Variants in TUBB4A observed in about 807,000 individuals in gnomAD.
TUBB4A encodes the protein tubulin beta 4A class IVa.
A neutral mutation model predicts 35.1 loss-of-function variants in TUBB4A; 13 were observed. That is an observed-to-expected ratio of 0.37 (90% CI 0.24 to 0.59). TUBB4A has a LOEUF of 0.59. Among genes scored for constraint, TUBB4A ranks in the 20% least tolerant of loss-of-function variants. The pLI, the probability that TUBB4A is intolerant of heterozygous loss-of-function variation, is 0.71. For synonymous variants in TUBB4A, 279 were observed against 272.4 expected (o/e 1.02, Z -0.24); for missense variants, 299 against 647.2 (o/e 0.46, Z 5.84).
In TUBB4A at chr19:6,501,530, A is replaced by G. The variant is rs1433665719; in HGVS notation, c.151T>C (p.Tyr51His). 1 of 1,614,014 alleles carries G rather than the reference A, an allele frequency of 6.2e-7. No homozygotes were observed. The highest frequency in any genetic ancestry group is 8.5e-7 in the Non-Finnish European group (1 of 1,179,930). ...DLQLERINVY[Y>H]NEATGGNYVP... ...TTCGCCCTACCTGTGGCCTCGTTGT[A>G]GTACACGTTGATCCTCTCCAGTTGC... is the stretch of plus-strand genomic sequence containing the variant. The change falls in exon 2 of 4, where the codon TAC (tyrosine) becomes CAC (histidine). Residue 51 changes from tyrosine (Y) to histidine (H), a missense_variant. Around this residue, in one of 5 missense-constraint regions of TUBB4A, gnomAD observed 123 missense variants for 226.0 expected, o/e 0.54. Coordinates refer to ENST00000264071, the MANE Select transcript of TUBB4A (RefSeq NM_006087.4). This position sits in a 1 kb window ranked among gnomAD's most constrained non-coding sequence, Gnocchi z 4.2.
At position 6,494,648 on chromosome 19, in the gene TUBB4A, A is replaced by G. The variant is rs1464920726; in HGVS notation, c.*516T>C. The G allele has an allele frequency of 5.8e-6, 1 of 172,972 alleles. No homozygotes were observed. Among genetic ancestry groups the G allele is most frequent in the Non-Finnish European group, 1.2e-5 (1 of 80,706 alleles). 10.7% of individuals were successfully genotyped at this position (172,972 alleles called of 1,614,324 possible). A position where few individuals can be genotyped will look rare whatever the true frequency, so the allele number is the denominator to read the frequency against. On this transcript the variant is annotated 3_prime_UTR_variant, in exon 4 of 4. Transcript: ENST00000264071. The stretch of plus-strand genomic sequence containing the variant: ...AGTAAAATGGGACTCATAGAGGGTG[A>G]AAGAGAAGTTGGAGTCAGAGGGGAT...
At position 6,495,401 on chromosome 19, in the gene TUBB4A, G is replaced by A. The variant is rs1429857122; in HGVS notation, c.1098C>T (p.Thr366=). ...GGATGGCCGTGCTGTTGCCGATGAA[G>A]GTCGCGGCCATCTTCAGGCCGCGGG... ...IPPRGLKMAA[T]FIGNSTAIQE... Residue 366 remains threonine, a synonymous_variant, in exon 4 of 4, where the codon ACC becomes ACT. Coordinates refer to ENST00000264071, the MANE Select transcript of TUBB4A (RefSeq NM_006087.4). The surrounding 1 kb of genome is among the most constrained non-coding windows in gnomAD (Gnocchi z 8.7). 2 of 1,614,030 alleles carry A rather than the reference G, an allele frequency of 1.2e-6. No individual in the cohort carries two copies. The highest frequency in any genetic ancestry group is 1.7e-6 in the Non-Finnish European group (2 of 1,180,014).
chr19:6,496,439 C>T (rs1220495898), intron 3 of TUBB4A: 13 of 484,356 alleles, frequency 2.7e-5, no homozygotes, highest in Middle Eastern at 5.6e-4. Context: ...ACCATCCTGG[C>T]TAACACGGTG....
In TUBB4A at chr19:6,501,606, A is replaced by G; in HGVS notation, c.75T>C (p.Ser25=). Residue 25 remains serine (S), a synonymous_variant, in exon 2 of 4, where the codon AGT becomes AGC. Transcript: ENST00000264071. This position sits in a 1 kb window ranked among gnomAD's most constrained non-coding sequence, Gnocchi z 4.2. ...QIGAKFWEVI[S]DEHGIDPTGT... ...CTGTGGGGTCGATGCCATGTTCGTC[A>G]CTGATAACCTCCCAAAACTAGAGAG... is the stretch of plus-strand genomic sequence containing the variant. 6.2e-7 allele frequency: 1 copy of G among 1,613,888 alleles called. No individual in the cohort carries two copies. The highest frequency in any genetic ancestry group is 8.5e-7 in the Non-Finnish European group (1 of 1,179,884).
Position 6,495,239 on chromosome 19 carries a change from A to G in TUBB4A, c.1260T>C (p.Ser420=), listed in dbSNP as rs369575826. The G allele has an allele frequency of 1.9e-6, 3 of 1,613,682 alleles. No homozygotes were observed. The highest frequency in any genetic ancestry group is 2.5e-6 in the Non-Finnish European group (3 of 1,179,852). ...EAESNMNDLV[S]EYQQYQDATA... The stretch of plus-strand genomic sequence containing the variant: ...TGGCGTCCTGGTACTGCTGGTACTC[A>G]GATACCAGGTCATTCATGTTGCTCT... The change falls in exon 4 of 4, where the codon TCT becomes TCC. Residue 420 remains serine (S), a synonymous_variant. Coordinates refer to ENST00000264071, the MANE Select transcript of TUBB4A (RefSeq NM_006087.4). This position sits in a 1 kb window ranked among gnomAD's most constrained non-coding sequence, Gnocchi z 8.7.
chr19:6,497,826 G>A (rs566195744), intron 3 of TUBB4A, among the ~76,000 whole-genome samples: 2 of 150,234 alleles, frequency 1.3e-5, no homozygotes, highest in Non-Finnish European at 1.5e-5. Context: ...CCAGCTACTC[G>A]GGAGGCTGAG....
rs368494733 is a variant in TUBB4A, at chr19:6,495,133, G to C, written c.*31C>G. The C allele has an allele frequency of 1.2e-6, 2 of 1,609,710 alleles. No homozygotes were observed. The highest frequency in any genetic ancestry group is 1.1e-5 in the South Asian group (1 of 90,886). On this transcript the variant is annotated 3_prime_UTR_variant, in exon 4 of 4. Coordinates refer to ENST00000264071, the MANE Select transcript of TUBB4A (RefSeq NM_006087.4). The surrounding 1 kb of genome is among the most constrained non-coding windows in gnomAD (Gnocchi z 8.7). ...TAGCGGATCAAAGGTCAGAAGCCTCGAGGGGACAGGTGGGAAGCGATGGGA... is the reference window on the plus strand; with the variant it reads ...TAGCGGATCAAAGGTCAGAAGCCTCCAGGGGACAGGTGGGAAGCGATGGGA...
In TUBB4A at chr19:6,501,798, G is replaced by A; in HGVS notation, c.58-175C>T. The A allele has an allele frequency of 1.6e-6, 1 of 621,626 alleles. No individual in the cohort carries two copies. The highest frequency in any genetic ancestry group is 2.8e-6 in the Non-Finnish European group (1 of 357,118). The allele number at this position is 621,626 out of a possible 1,614,324, so 38.5% of individuals were successfully genotyped here. ...TGAGGCAGCAAGAAGGAGCGGTGGG[G>A]GCGGGGTGCAGCCGAGTCAGCACCC... On this transcript the variant is annotated intron_variant, in intron 1 of 3. Coordinates refer to ENST00000264071, the MANE Select transcript of TUBB4A (RefSeq NM_006087.4). The surrounding 1 kb of genome is among the most constrained non-coding windows in gnomAD (Gnocchi z 4.2).
At chr19:6,502,390 G>A (rs1248395817), upstream of TUBB4A, 6 of 657,790 alleles carry the variant, frequency 9.1e-6, no homozygotes, top group East Asian at 1.4e-4. Flanking sequence ...CCGCCCCTTG[G>A]TCCCGCCCCG....
At chr19:6,496,398 G>T (rs1168610898) in intron 3 of TUBB4A, 177 bp from the exon 4 acceptor site, 1 of 609,224 alleles carries the variant, frequency 1.6e-6, no homozygotes, top group East Asian at 3.0e-5. Flanking sequence ...GGGAGGCCGA[G>T]GTGGGCGGAT....
At chr19:6,499,261 G>A (rs751022405) in intron 3 of TUBB4A, among the ~76,000 whole-genome samples, 4 of 151,650 alleles carry the variant, frequency 2.6e-5, no homozygotes, top group Non-Finnish European at 4.4e-5. Flanking sequence ...GGTGGAGGTT[G>A]CGTCACTGCA....
chr19:6,502,187 G>A lies in TUBB4A; in HGVS notation c.26C>T (p.Ala9Val). 1 of 1,574,134 alleles carries A rather than the reference G, an allele frequency of 6.4e-7. No individual in the cohort carries two copies. The highest frequency in any genetic ancestry group is 8.6e-7 in the Non-Finnish European group (1 of 1,168,192). MREIVHLQ[A>V]GQCGNQIGAK... ...CCCGATCTGGTTGCCGCACTGGCCG[G>A]CCTGCAGGTGCACGATCTCCCGCAT... is the stretch of plus-strand genomic sequence containing the variant. The change falls in exon 1 of 4, where the codon GCC becomes GTC. Residue 9 changes from alanine (A) to valine (V), a missense_variant. Around this residue, in one of 5 missense-constraint regions of TUBB4A, gnomAD observed 123 missense variants for 226.0 expected, o/e 0.54. Transcript: ENST00000264071.
chr19:6,501,756 T>G lies in TUBB4A; in HGVS notation c.58-133A>C, dbSNP rs1914543765. The G allele has an allele frequency of 4.2e-6, 3 of 718,790 alleles. No individual in the cohort carries two copies. Among genetic ancestry groups the G allele is most frequent in the Admixed American group, 5.2e-5 (2 of 38,272 alleles). 44.5% of individuals were successfully genotyped at this position (718,790 alleles called of 1,614,324 possible). ...AAGGTGAACGGGGGACCTAGAGGCA[T>G]GGTGTCGGGGCGAGGATGAGGCAGC... is the stretch of plus-strand genomic sequence containing the variant. On this transcript the variant is annotated intron_variant, in intron 1 of 3. Coordinates refer to ENST00000264071, the MANE Select transcript of TUBB4A (RefSeq NM_006087.4). The surrounding 1 kb of genome is among the most constrained non-coding windows in gnomAD (Gnocchi z 4.2).
Position 6,501,209 on chromosome 19 carries a change from G to A in TUBB4A, c.277+78C>T, listed in dbSNP as rs776953895. The A allele has an allele frequency of 8.1e-6, 10 of 1,233,648 alleles. No homozygotes were observed. The highest frequency in any genetic ancestry group is 4.5e-5 in the African/African-American group (3 of 67,072). The allele number at this position is 1,233,648 out of a possible 1,614,324, so 76.4% of individuals were successfully genotyped here. A position where few individuals can be genotyped will look rare whatever the true frequency, so the allele number is the denominator to read the frequency against. ...ACCCCATCTCTGGTCTGTGGGCCCC[G>A]GTGGTGGCTGTTGACTCTGTGGTGT... On this transcript the variant is annotated intron_variant, in intron 3 of 3. Coordinates refer to ENST00000264071, the MANE Select transcript of TUBB4A (RefSeq NM_006087.4). The surrounding 1 kb of genome is among the most constrained non-coding windows in gnomAD (Gnocchi z 4.2).
Position 6,502,265 on chromosome 19 carries a change from G to A in TUBB4A, c.-53C>T, listed in dbSNP as rs768985247. ...GGCGGTGGCACGAGCGCGGGGAGCT[G>A]CGGCGGCGGCGAGGGTGGAAGATGC... On this transcript the variant is annotated 5_prime_UTR_variant, in exon 1 of 4. Coordinates refer to ENST00000264071, the MANE Select transcript of TUBB4A (RefSeq NM_006087.4). 3 of 1,466,868 alleles carry A rather than the reference G, an allele frequency of 2.0e-6. No homozygotes were observed. The South Asian group carries it at 4.0e-5, about 20-fold the overall frequency. 90.9% of individuals were successfully genotyped at this position (1,466,868 alleles called of 1,614,324 possible).
Position 6,502,149 on chromosome 19 carries a change from C to G in TUBB4A, c.57+7G>C, listed in dbSNP as rs751351872. 6.4e-6 allele frequency: 10 copies of G among 1,568,436 alleles called. No homozygotes were observed. The highest frequency in any genetic ancestry group is 7.7e-6 in the Non-Finnish European group (9 of 1,165,644). On this transcript the variant is annotated splice_region_variant and intron_variant, in intron 1 of 3. Coordinates refer to ENST00000264071, the MANE Select transcript of TUBB4A (RefSeq NM_006087.4). ...CACTGCCTCCCCGGGCCCCGTTCCC[C>G]GAGCACCTTGGCCCCGATCTGGTTG...
In TUBB4A at chr19:6,495,095, G is replaced by T; in HGVS notation, c.*69C>A. 6.4e-7 allele frequency: 1 copy of T among 1,573,646 alleles called. No individual in the cohort carries two copies. Among genetic ancestry groups the T allele is most frequent in the South Asian group, 1.2e-5 (1 of 86,022 alleles). ...AGGGAAAGCGGGGCTCTAGGGTTCA[G>T]AGATGGGGGGCCTAGCGGATCAAAG... On this transcript the variant is annotated 3_prime_UTR_variant, in exon 4 of 4. Transcript: ENST00000264071. The surrounding 1 kb of genome is among the most constrained non-coding windows in gnomAD (Gnocchi z 8.7).
At position 6,494,879 on chromosome 19, in the gene TUBB4A, A is replaced by C; in HGVS notation, c.*285T>G. The C allele has an allele frequency of 1.9e-6, 1 of 536,358 alleles. No individual in the cohort carries two copies. The highest frequency in any genetic ancestry group is 3.3e-6 in the Non-Finnish European group (1 of 298,630). The allele number at this position is 536,358 out of a possible 1,614,324, so 33.2% of individuals were successfully genotyped here. ...AGTCAGGGGTGAAGGAAGGTCTGCAAAGTTAAAGGTGCGGTTTCCAGAGTC... is the reference window on the plus strand; with the variant it reads ...AGTCAGGGGTGAAGGAAGGTCTGCACAGTTAAAGGTGCGGTTTCCAGAGTC... On this transcript the variant is annotated 3_prime_UTR_variant, in exon 4 of 4. Coordinates refer to ENST00000264071, the MANE Select transcript of TUBB4A (RefSeq NM_006087.4).
chr19:6,499,353 T>A (rs1914422967), intron 3 of TUBB4A, among the ~76,000 whole-genome samples: 1 of 151,724 alleles, frequency 6.6e-6, no homozygotes, highest in Non-Finnish European at 1.5e-5. Flanking sequence ...CTCTGGCTCC[T>A]GACAGCCCCA....
Sources: gnomAD v4.1 joint callset for allele counts (sites outside exome capture counted in the v4.1 genomes callset) on GRCh38, gnomAD v4.1.1 for gene constraint, gnomAD v4.1.1 regional missense constraint, Gnocchi (gnomAD v3.1) non-coding constraint, MANE v1.5 for transcripts, NCBI Gene and HGNC (gene_info 2026-07-23, HGNC 2026-07-21) for gene names.